SLC12A7: variants seen among roughly 807,000 people sequenced by gnomAD.
SLC12A7 encodes K-Cl cotransporter 4.
Under a neutral mutation model 120.6 loss-of-function variants are expected in SLC12A7, and 100 were observed. The ratio of observed to expected loss-of-function variants is 0.83; its 90% CI spans 0.71 to 0.98. SLC12A7 has a LOEUF of 0.98. Among genes scored for constraint, SLC12A7 ranks in the 50% least tolerant of loss-of-function variants. The pLI, the probability that SLC12A7 is intolerant of heterozygous loss-of-function variation, is 0.00. For missense variants in SLC12A7, 1,373 were observed against 1,548.1 expected (o/e 0.89, Z 1.90); for synonymous variants, 760 against 678.0 (o/e 1.12, Z -1.88).
chr5:1,126,855 G>C, the SLC12A7 span, among the ~76,000 whole-genome samples: 45 of 152,306 alleles, frequency 3.0e-4, no homozygotes, highest in Non-Finnish European at 1.9e-4. Context: ...AAAGTATAAA[G>C]GTAGTGGAGT....
the SLC12A7 span, among the ~76,000 whole-genome samples, chr5:1,148,659 G>A: frequency 1.3e-5 from 2 of 152,186 alleles, no homozygotes; most frequent in Admixed American, 6.5e-5. Flanking sequence ...GCTCCCCCTG[G>A]GCAATGGCCA....
At chr5:1,084,340 G>A (rs1739569636) in intron 7 of SLC12A7, among the ~76,000 whole-genome samples, 1 of 152,200 alleles carries the variant, frequency 6.6e-6, no homozygotes, top group Non-Finnish European at 1.5e-5. Flanking sequence ...CGAGTAGTGA[G>A]GTGGAACCCA....
At position 1,111,926 on chromosome 5, in the gene SLC12A7, G is replaced by T. The variant is rs1743044992; in HGVS notation, c.66C>A (p.Ala22=). ...GGGTGCCCGGAGCCTCCGTCCGCTCGGCAGTCTCGTCCCCGCCGCCGTCGG... is the reference window on the plus strand; with the variant it reads ...GGGTGCCCGGAGCCTCCGTCCGCTCTGCAGTCTCGTCCCCGCCGCCGTCGG... ...AHADGGGDET[A]ERTEAPGTPE... is the part of the protein sequence containing the mutation. Residue 22 remains alanine (A), a synonymous_variant, in exon 1 of 24, where the codon GCC becomes GCA. Coordinates refer to ENST00000264930, the MANE Select transcript of SLC12A7 (RefSeq NM_006598.3). 1.6e-6 allele frequency: 2 copies of T among 1,282,316 alleles called. No individual in the cohort carries two copies. The highest frequency in any genetic ancestry group is 2.7e-5 in the South Asian group (1 of 37,662). 79.4% of individuals were successfully genotyped at this position (1,282,316 alleles called of 1,614,324 possible).
intron 20 of SLC12A7, 131 bp from the exon 21 acceptor site, chr5:1,060,582 C>T (rs568077465): frequency 1.8e-5 from 12 of 666,918 alleles, no homozygotes; most frequent in South Asian, 7.2e-5. Context: ...GCCCCACAGG[C>T]CCCCTCTGGC....
chr5:1,113,885 C>T (rs1330099028), upstream of SLC12A7, among the ~76,000 whole-genome samples: 4 of 152,198 alleles, frequency 2.6e-5, no homozygotes. Flanking sequence ...AGCGCTATTC[C>T]CGAGGGTTGG....
chr5:1,068,152 A>C (rs988085781), intron 17 of SLC12A7, among the ~76,000 whole-genome samples: 1 of 152,234 alleles, frequency 6.6e-6, no homozygotes, highest in Non-Finnish European at 1.5e-5. Flanking sequence ...AGCCTTGCCC[A>C]GACAGGCTGC....
At chr5:1,094,743 T>C (rs1458567972) in intron 1 of SLC12A7, among the ~76,000 whole-genome samples, 2 of 152,142 alleles carry the variant, frequency 1.3e-5, no homozygotes, top group African/African-American at 4.8e-5. Flanking sequence ...TAATCCGCCA[T>C]TTCGGAGGGA....
At chr5:1,111,235 T>C (rs1742975302) in intron 1 of SLC12A7, among the ~76,000 whole-genome samples, 1 of 151,902 alleles carries the variant, frequency 6.6e-6, no homozygotes, top group African/African-American at 2.4e-5. Flanking sequence ...CCCAGCCCCG[T>C]CCCCACCCCC....
intron 17 of SLC12A7, among the ~76,000 whole-genome samples, chr5:1,069,613 C>T (rs1193208776): frequency 6.6e-6 from 1 of 152,188 alleles, no homozygotes; most frequent in Non-Finnish European, 1.5e-5. Flanking sequence ...TCGAGGCGCC[C>T]ACGGCAGCCA....
chr5:1,084,510 G>A lies in SLC12A7; in HGVS notation c.918-554C>T, dbSNP rs547271626. 2.9e-3 allele frequency among the ~76,000 whole-genome samples: 437 copies of A among 152,296 alleles called. 3 individuals are homozygous for A. Among genetic ancestry groups the A allele is most frequent in the African/African-American group, 9.6e-3 (400 of 41,582 alleles). On this transcript the variant is annotated intron_variant, in intron 7 of 23. Transcript: ENST00000264930. The stretch of plus-strand genomic sequence containing the variant: ...CCAAGAGCACAGGAGTGCCGCCCCC[G>A]ACGTATAAGCCAGGCCTGTACGTGG...
At chr5:1,127,504 G>A in the SLC12A7 span, among the ~76,000 whole-genome samples, 3 of 152,210 alleles carry the variant, frequency 2.0e-5, no homozygotes, top group Non-Finnish European at 4.4e-5. Flanking sequence ...CCCACACCTG[G>A]ACTTCAGATT....
At chr5:1,135,443 C>G in the SLC12A7 span, among the ~76,000 whole-genome samples, 8 of 152,104 alleles carry the variant, frequency 5.3e-5, no homozygotes, top group Non-Finnish European at 1.2e-4. Flanking sequence ...CATTCTCGCT[C>G]CAGCCCAGGT....
chr5:1,080,024 C>A (rs1403835347), intron 9 of SLC12A7, among the ~76,000 whole-genome samples: 3 of 152,244 alleles, frequency 2.0e-5, no homozygotes, highest in Non-Finnish European at 4.4e-5. Context: ...TCGGTGGGGG[C>A]CACTTCACGC....
intron 16 of SLC12A7, 108 bp downstream of exon 16, chr5:1,074,459 C>A (rs1369014221): frequency 2.0e-6 from 2 of 1,005,246 alleles, no homozygotes; most frequent in Admixed American, 2.2e-5. Context: ...CTTGCCTGAG[C>A]GGCTGAAGGT....
At position 1,059,809 on chromosome 5, in the gene SLC12A7, C is replaced by T. The variant is rs146472906; in HGVS notation, c.2847+535G>A. ...CAACTCCCCTCCAGCTCGCTTCCCT[C>T]CCTCCCTGCACACTCACTCTCCCCT... On this transcript the variant is annotated intron_variant, in intron 21 of 23. Transcript: ENST00000264930. 4.1e-3 allele frequency among the ~76,000 whole-genome samples: 616 copies of T among 149,306 alleles called. 16 individuals are homozygous for T. Among genetic ancestry groups the T allele is most frequent in the Admixed American group, 0.027 (404 of 14,884 alleles).
At chr5:1,067,420 A>G (rs3789199) in intron 17 of SLC12A7, among the ~76,000 whole-genome samples, 12,917 of 151,348 alleles carry the variant, frequency 0.085, 701 homozygotes, top group African/African-American at 0.16. Context: ...CTATTTCAGC[A>G]AAGGCCACAC....
chr5:1,083,938 G>T lies in SLC12A7; in HGVS notation c.936C>A (p.Asn312Lys). Residue 312 changes from asparagine (N) to lysine (K), a missense_variant, in exon 8 of 24, where the codon AAC (asparagine) becomes AAA (lysine). Physicochemically the swap from Asn to Lys is moderately conservative, Grantham distance 94. Transcript: ENST00000264930. ...PPDIPVCLLG[N>K]RTLSRRSFDA... The stretch of plus-strand genomic sequence containing the variant: ...CGAAGCTGCGCCGTGACAGCGTGCG[G>T]TTCCCCAGGAGGCAGACCCTGGGCG... 6.2e-7 allele frequency: 1 copy of T among 1,603,450 alleles called. No homozygotes were observed. Among genetic ancestry groups the T allele is most frequent in the Non-Finnish European group, 8.5e-7 (1 of 1,179,752 alleles).
At chr5:1,140,861 C>T in the SLC12A7 span, among the ~76,000 whole-genome samples, 6 of 152,336 alleles carry the variant, frequency 3.9e-5, no homozygotes, top group Admixed American at 2.6e-4. Context: ...TAGGTGACCA[C>T]GCCATGGGAG....
the SLC12A7 span, among the ~76,000 whole-genome samples, chr5:1,142,249 AG>A: frequency 2.8e-5 from 4 of 140,472 alleles, no homozygotes; most frequent in Admixed American, 6.8e-5. Context: ...ATCAGGAGGA[AG>A]AAAACCTCCC....
Sources: gnomAD v4.1 joint callset for allele counts (sites outside exome capture counted in the v4.1 genomes callset) on GRCh38, gnomAD v4.1.1 for gene constraint, MANE v1.5 for transcripts, NCBI Gene and HGNC (gene_info 2026-07-23, HGNC 2026-07-21) for gene names.